Variants in NEK1 observed in about 807,000 individuals in gnomAD.
NEK1 encodes serine/threonine-protein kinase Nek1.
A neutral mutation model predicts 182.1 loss-of-function variants in NEK1; 137 were observed. That is an observed-to-expected ratio of 0.75 (90% CI 0.65 to 0.87). NEK1 has a LOEUF of 0.87. Ranked by LOEUF, NEK1 falls within the 40% of genes least tolerant of loss-of-function variation. NEK1 has a pLI of 0.00. For synonymous variants in NEK1, 513 were observed against 492.2 expected, an observed-to-expected ratio of 1.04 and a Z score of -0.56; for missense variants, 1,391 against 1,494.4, an observed-to-expected ratio of 0.93 and a Z score of 1.14.
chr4:169,503,263 G>A (rs975793682), intron 23 of NEK1, among the ~76,000 whole-genome samples: 10 of 152,044 alleles, frequency 6.6e-5, no homozygotes, highest in Admixed American at 3.3e-4. Context: ...TAATGCCCAT[G>A]GAAGGAGACT....
At chr4:169,542,233 A>T (rs1024149112) in intron 18 of NEK1, among the ~76,000 whole-genome samples, 1 of 151,652 alleles carries the variant, frequency 6.6e-6, no homozygotes, top group Non-Finnish European at 1.5e-5. Flanking sequence ...TCATTGTTCA[A>T]CTCCCACTTA....
At chr4:169,607,118 C>T (rs1313837559) in intron 2 of NEK1, among the ~76,000 whole-genome samples, 1 of 152,226 alleles carries the variant, frequency 6.6e-6, no homozygotes, top group East Asian at 1.9e-4. Context: ...AGGACTGAAA[C>T]AGTCTCATCC....
At chr4:169,483,599 G>C (rs1165041038) in intron 23 of NEK1, among the ~76,000 whole-genome samples, 1 of 152,170 alleles carries the variant, frequency 6.6e-6, no homozygotes, top group Non-Finnish European at 1.5e-5. Flanking sequence ...GGGCGCAGTG[G>C]CTCACACCTG....
chr4:169,397,244 A>C (rs1171518875), intron 35 of NEK1, among the ~76,000 whole-genome samples: 1 of 151,524 alleles, frequency 6.6e-6, no homozygotes, highest in Non-Finnish European at 1.5e-5. Flanking sequence ...AAAAAATCCC[A>C]ACAAAAAACT....
At chr4:169,401,975 T>TA (rs952971269) in intron 32 of NEK1, 115 bp from the exon 33 acceptor site, 1 of 757,468 alleles carries the variant, frequency 1.3e-6, no homozygotes, top group Admixed American at 3.2e-5. Flanking sequence ...AGGCACTTCT[T>TA]AAAAAATCCT....
At chr4:169,472,184 A>AC (rs1746112448) in intron 26 of NEK1, among the ~76,000 whole-genome samples, 1 of 151,934 alleles carries the variant, frequency 6.6e-6, no homozygotes, top group African/African-American at 2.4e-5. Flanking sequence ...ACAAAAAAAA[A>AC]CAAAAAACTC....
chr4:169,580,729 G>T, intron 11 of NEK1, 113 bp downstream of exon 11: 1 of 680,422 alleles, frequency 1.5e-6, no homozygotes, highest in Non-Finnish European at 2.6e-6. Context: ...CATTTTCTCT[G>T]GATTAAATTT....
At chr4:169,486,272 G>T (rs1015681610) in intron 23 of NEK1, among the ~76,000 whole-genome samples, 1 of 151,540 alleles carries the variant, frequency 6.6e-6, no homozygotes, top group Non-Finnish European at 1.5e-5. Context: ...TTCAATTATC[G>T]CTGTAAAACT....
intron 27 of NEK1, among the ~76,000 whole-genome samples, chr4:169,455,339 A>G (rs1286342849): frequency 6.6e-6 from 1 of 152,062 alleles, no homozygotes; most frequent in African/African-American, 2.4e-5. Flanking sequence ...AAAAAAAAAA[A>G]GAAGACTCAA....
intron 27 of NEK1, among the ~76,000 whole-genome samples, chr4:169,450,972 C>T (rs151131351): frequency 0.014 from 2,091 of 152,098 alleles, 26 homozygotes; most frequent in Middle Eastern, 0.031. Context: ...CAAAAAAAAG[C>T]GGGGGTTGCC....
intron 5 of NEK1, among the ~76,000 whole-genome samples, chr4:169,592,343 T>A (rs1348283299): frequency 6.6e-6 from 1 of 152,144 alleles, no homozygotes; most frequent in Non-Finnish European, 1.5e-5. Context: ...GGGGCCTGAT[T>A]AAATATATTG....
intron 16 of NEK1, among the ~76,000 whole-genome samples, chr4:169,558,819 A>C (rs1402520007): frequency 6.6e-6 from 1 of 152,224 alleles, no homozygotes; most frequent in East Asian, 1.9e-4. Context: ...TATACTATGA[A>C]TAAAAATGCC....
At chr4:169,417,183 C>T (rs1734681554) in intron 31 of NEK1, among the ~76,000 whole-genome samples, 1 of 152,202 alleles carries the variant, frequency 6.6e-6, no homozygotes, top group African/African-American at 2.4e-5. Context: ...CATTTCAGGC[C>T]AGGGTAACAG....
chr4:169,445,716 C>T (rs1385017850), intron 27 of NEK1, among the ~76,000 whole-genome samples: 1 of 150,974 alleles, frequency 6.6e-6, no homozygotes, highest in Non-Finnish European at 1.5e-5. Context: ...AAAAACAAAA[C>T]AAAACTATCA....
At chr4:169,496,820 G>C (rs549366197) in intron 23 of NEK1, among the ~76,000 whole-genome samples, 5 of 152,136 alleles carry the variant, frequency 3.3e-5, no homozygotes, top group African/African-American at 9.6e-5. Context: ...ATTTTATTGA[G>C]GATTTTTACA....
chr4:169,496,280 C>T (rs368793636), intron 23 of NEK1, among the ~76,000 whole-genome samples: 10,247 of 151,086 alleles, frequency 0.068, 1,053 homozygotes, highest in African/African-American at 0.24. Context: ...CTGAAGTTGC[C>T]TATCAGCTTA....
At chr4:169,570,778 CG>C (rs1156654925) in intron 12 of NEK1, among the ~76,000 whole-genome samples, 2 of 152,138 alleles carry the variant, frequency 1.3e-5, no homozygotes, top group Admixed American at 6.5e-5. Context: ...GGATGGTTGC[CG>C]TGTCTGTGTA....
At chr4:169,455,109 T>C (rs138211486) in intron 27 of NEK1, among the ~76,000 whole-genome samples, 176 of 152,278 alleles carry the variant, frequency 1.2e-3, no homozygotes, top group African/African-American at 3.2e-3. Flanking sequence ...TTCTCACTCA[T>C]AGGTGGGAAC....
chr4:169,512,332 A>G (rs1196672238), intron 19 of NEK1, among the ~76,000 whole-genome samples: 1 of 152,100 alleles, frequency 6.6e-6, no homozygotes, highest in Non-Finnish European at 1.5e-5. Context: ...TGAAGTGATA[A>G]CATCATTGTG....
Sources: gnomAD v4.1 joint callset for allele counts (sites outside exome capture counted in the v4.1 genomes callset) on GRCh38, gnomAD v4.1.1 for gene constraint, MANE v1.5 for transcripts, NCBI Gene and HGNC (gene_info 2026-07-23, HGNC 2026-07-21) for gene names.